The following GALNT13 variants were observed in gnomAD, a reference collection of about 807,000 sequenced individuals.
GALNT13 encodes UDP-GalNAc:polypeptide N-acetylgalactosaminyltransferase 13.
A neutral mutation model predicts 64.2 loss-of-function variants in GALNT13; 28 were observed. The ratio of observed to expected loss-of-function variants is 0.44; its 90% CI spans 0.32 to 0.60. GALNT13 has a LOEUF of 0.60. Among genes scored for constraint, GALNT13 ranks in the 20% least tolerant of loss-of-function variants. The probability of loss-of-function intolerance (pLI) is 0.05; values close to 1 mark genes in which losing one functional copy is unlikely to be tolerated. For synonymous variants in GALNT13, 214 were observed against 224.6 expected, an observed-to-expected ratio of 0.95 and a Z score of 0.42; for missense variants, 577 against 669.8, an observed-to-expected ratio of 0.86 and a Z score of 1.53.
At chr2:154,414,482 C>T (rs911516724) in intron 11 of GALNT13, among the ~76,000 whole-genome samples, 5 of 149,522 alleles carry the variant, frequency 3.3e-5, no homozygotes, top group Non-Finnish European at 7.4e-5. Flanking sequence ...GGATTATAAT[C>T]GCAGTGGCCA....
At chr2:153,310,335 T>C in the GALNT13 span, among the ~76,000 whole-genome samples, 1 of 152,168 alleles carries the variant, frequency 6.6e-6, no homozygotes, top group African/African-American at 2.4e-5. Flanking sequence ...AACTTGGTCA[T>C]GATAACTTAT....
the GALNT13 span, among the ~76,000 whole-genome samples, chr2:153,084,034 A>G: frequency 6.6e-6 from 1 of 152,168 alleles, no homozygotes; most frequent in Admixed American, 6.5e-5. Flanking sequence ...TTTGTTGAAG[A>G]TCAGTTGTCT....
intron 3 of GALNT13, among the ~76,000 whole-genome samples, chr2:154,053,051 T>G (rs966494231): frequency 1.3e-5 from 2 of 152,138 alleles, no homozygotes; most frequent in Non-Finnish European, 2.9e-5. Context: ...GAATTGACTA[T>G]TTTTTGGTTA....
chr2:153,900,049 C>T (rs1332800142), intron 1 of GALNT13, among the ~76,000 whole-genome samples: 1 of 150,468 alleles, frequency 6.6e-6, no homozygotes, highest in Admixed American at 6.7e-5. Context: ...GATGGTCCTG[C>T]CTCAGCCTCC....
intron 8 of GALNT13, among the ~76,000 whole-genome samples, chr2:154,290,245 A>C (rs536534775): frequency 6.6e-6 from 1 of 152,316 alleles, no homozygotes; most frequent in African/African-American, 2.4e-5. Context: ...TCACTGAAAC[A>C]AAGCAGGGAA....
intron 8 of GALNT13, among the ~76,000 whole-genome samples, chr2:154,264,314 A>G (rs1690861000): frequency 6.6e-6 from 1 of 151,926 alleles, no homozygotes; most frequent in African/African-American, 2.4e-5. Context: ...AAACTACATA[A>G]CATACTTCTT....
chr2:154,409,335 C>G, intron 11 of GALNT13: 1 of 437,274 alleles, frequency 2.3e-6, no homozygotes, highest in Admixed American at 3.7e-5. Flanking sequence ...TTAGACACAT[C>G]TCATTTTATC....
the GALNT13 span, among the ~76,000 whole-genome samples, chr2:153,708,558 G>T: frequency 7.9e-5 from 12 of 152,222 alleles, no homozygotes; most frequent in Non-Finnish European, 1.5e-4. Flanking sequence ...TAAAAAAATT[G>T]AAAGGACTGT....
chr2:154,329,614 T>A (rs1695061109), intron 9 of GALNT13, among the ~76,000 whole-genome samples: 1 of 152,124 alleles, frequency 6.6e-6, no homozygotes, highest in Non-Finnish European at 1.5e-5. Context: ...ATAGTTGGGA[T>A]GTTTGTCCCC....
chr2:153,340,767 GT>G, the GALNT13 span, among the ~76,000 whole-genome samples: 2 of 151,578 alleles, frequency 1.3e-5, no homozygotes, highest in Non-Finnish European at 2.9e-5. Flanking sequence ...TTTGTTGAGA[GT>G]TTTTATCACA....
the GALNT13 span, among the ~76,000 whole-genome samples, chr2:153,370,178 T>C: frequency 6.6e-6 from 1 of 152,314 alleles, no homozygotes; most frequent in South Asian, 2.1e-4. Context: ...TATATCTATT[T>C]ATAAAATTGA....
the GALNT13 span, among the ~76,000 whole-genome samples, chr2:153,655,315 A>T: frequency 6.6e-6 from 1 of 152,138 alleles, no homozygotes; most frequent in African/African-American, 2.4e-5. Context: ...CATCATTTTT[A>T]AAAATGTCTG....
Position 154,451,707 on chromosome 2 carries a change from T to C in GALNT13, c.*1156T>C, listed in dbSNP as rs767576334. On this transcript the variant is annotated 3_prime_UTR_variant, in exon 13 of 13. Coordinates refer to ENST00000392825, the MANE Select transcript of GALNT13 (RefSeq NM_052917.4). ...TACATTCACATTTTCTTTTCTCATC[T>C]TAAAACCCTTTATGTTCAAAATACA... 2 of 152,122 alleles carry C rather than the reference T, an allele frequency of 1.3e-5. No individual in the cohort carries two copies. The highest frequency in any genetic ancestry group is 2.9e-5 in the Non-Finnish European group (2 of 68,010). 9.4% of individuals were successfully genotyped at this position (152,122 alleles called of 1,614,324 possible). A position where few individuals can be genotyped will look rare whatever the true frequency, so the allele number is the denominator to read the frequency against.
chr2:153,540,113 C>T, the GALNT13 span, among the ~76,000 whole-genome samples: 22 of 152,270 alleles, frequency 1.4e-4, no homozygotes, highest in African/African-American at 2.2e-4. Context: ...TGAAGGCCTA[C>T]GAGGAATAAA....
the GALNT13 span, among the ~76,000 whole-genome samples, chr2:153,519,105 T>C: frequency 2.6e-5 from 4 of 152,138 alleles, no homozygotes; most frequent in Non-Finnish European, 5.9e-5. Context: ...CTCCTAGGAC[T>C]TTTAGAAACC....
the GALNT13 span, among the ~76,000 whole-genome samples, chr2:153,658,575 T>C: frequency 6.6e-6 from 1 of 152,156 alleles, no homozygotes; most frequent in Non-Finnish European, 1.5e-5. Flanking sequence ...TACTTTTATT[T>C]AGCATTTTTA....
At chr2:153,654,067 C>T in the GALNT13 span, among the ~76,000 whole-genome samples, 1 of 152,044 alleles carries the variant, frequency 6.6e-6, no homozygotes, top group African/African-American at 2.4e-5. Context: ...TTAAGATACA[C>T]ATGGCACCCC....
At chr2:154,283,617 A>G (rs1244254744) in intron 8 of GALNT13, among the ~76,000 whole-genome samples, 3 of 152,100 alleles carry the variant, frequency 2.0e-5, no homozygotes, top group Non-Finnish European at 2.9e-5. Context: ...TTCATAATGT[A>G]GAAACGTGAT....
chr2:154,137,086 A>T (rs1345121898), intron 3 of GALNT13, among the ~76,000 whole-genome samples: 1 of 152,118 alleles, frequency 6.6e-6, no homozygotes, highest in African/African-American at 2.4e-5. Flanking sequence ...AAGGTGCTTA[A>T]GACCAGTGAT....
Sources: gnomAD v4.1 joint callset for allele counts (sites outside exome capture counted in the v4.1 genomes callset) on GRCh38, gnomAD v4.1.1 for gene constraint, MANE v1.5 for transcripts, NCBI Gene and HGNC (gene_info 2026-07-23, HGNC 2026-07-21) for gene names.